The following GULP1 variants were observed in gnomAD, a reference collection of about 807,000 sequenced individuals.
The protein encoded by GULP1 is GULP PTB domain containing engulfment adaptor 1.
A neutral mutation model predicts 40.9 loss-of-function variants in GULP1; 19 were observed. The ratio of observed to expected loss-of-function variants is 0.46; its 90% CI spans 0.32 to 0.68. The LOEUF (loss-of-function observed/expected upper bound fraction) is 0.68, where lower values mean the gene tolerates loss of function less well. Among genes scored for constraint, GULP1 ranks in the 30% least tolerant of loss-of-function variants. GULP1 has a pLI of 0.03. For missense variants in GULP1, 312 were observed against 362.2 expected (o/e 0.86, Z 1.12); for synonymous variants, 119 against 117.6 (o/e 1.01, Z -0.08).
chr2:188,560,491 C>A (rs1695961497), intron 7 of GULP1, among the ~76,000 whole-genome samples: 1 of 152,162 alleles, frequency 6.6e-6, no homozygotes, highest in Non-Finnish European at 1.5e-5. Flanking sequence ...TCTTCTGAGC[C>A]CTTTAAAGTC....
intron 6 of GULP1, among the ~76,000 whole-genome samples, chr2:188,533,634 C>T (rs1403233648): frequency 2.0e-5 from 3 of 152,006 alleles, no homozygotes; most frequent in Non-Finnish European, 2.9e-5. Context: ...ACAAGTGGGA[C>T]CTAATTAAAT....
intron 1 of GULP1, among the ~76,000 whole-genome samples, chr2:188,350,639 C>T (rs1240387783): frequency 6.6e-6 from 1 of 151,814 alleles, no homozygotes; most frequent in Non-Finnish European, 1.5e-5. Flanking sequence ...TATAGTTCCT[C>T]CTTTTCAATG....
At chr2:188,407,298 T>G (rs2053252257) in intron 2 of GULP1, among the ~76,000 whole-genome samples, 1 of 152,130 alleles carries the variant, frequency 6.6e-6, no homozygotes, top group Admixed American at 6.5e-5. Context: ...ATTACTACCA[T>G]GAAAACAGGA....
chr2:188,491,838 TGTA>T (rs1354651621), intron 4 of GULP1, among the ~76,000 whole-genome samples: 1 of 152,152 alleles, frequency 6.6e-6, no homozygotes, highest in Non-Finnish European at 1.5e-5. Flanking sequence ...TTGTCTTTCT[TGTA>T]GTATTTTGAA....
chr2:188,434,697 AT>A (rs1332799514), intron 2 of GULP1, among the ~76,000 whole-genome samples: 2 of 149,920 alleles, frequency 1.3e-5, no homozygotes, highest in Non-Finnish European at 3.0e-5. Flanking sequence ...TACTTTCCTT[AT>A]TTTTAAATTT....
intron 1 of GULP1, among the ~76,000 whole-genome samples, chr2:188,322,932 C>A (rs1309786028): frequency 6.6e-6 from 1 of 152,090 alleles, no homozygotes; most frequent in African/African-American, 2.4e-5. Context: ...TGCCTTTTGT[C>A]AAGACCTCTT....
chr2:188,575,066 A>G (rs779649776), intron 9 of GULP1, among the ~76,000 whole-genome samples: 2 of 152,188 alleles, frequency 1.3e-5, no homozygotes, highest in Non-Finnish European at 2.9e-5. Context: ...TGCAAACTAA[A>G]TAATTTTAGG....
chr2:188,518,665 G>C (rs2065429021), intron 4 of GULP1, among the ~76,000 whole-genome samples: 1 of 152,252 alleles, frequency 6.6e-6, no homozygotes, highest in African/African-American at 2.4e-5. Context: ...TCTCTGAGTT[G>C]ATAAAGTGGA....
At chr2:188,480,973 G>A (rs2061404378) in intron 3 of GULP1, among the ~76,000 whole-genome samples, 1 of 151,820 alleles carries the variant, frequency 6.6e-6, no homozygotes, top group African/African-American at 2.4e-5. Context: ...AAAAGTAGGT[G>A]TTTCACCATT....
intron 1 of GULP1, among the ~76,000 whole-genome samples, chr2:188,294,931 G>A (rs557773383): frequency 2.2e-4 from 34 of 152,214 alleles, no homozygotes; most frequent in African/African-American, 8.2e-4. Flanking sequence ...GACATATCTG[G>A]ATCTAATTTA....
chr2:188,531,278 G>A (rs7579593), intron 6 of GULP1, among the ~76,000 whole-genome samples: 142,463 of 152,264 alleles, frequency 0.94, 67,054 homozygotes, highest in South Asian at 0.99. Context: ...GGCTTAATGC[G>A]GTAGGCCTCA....
At chr2:188,507,597 A>T (rs541768763) in intron 4 of GULP1, among the ~76,000 whole-genome samples, 1 of 151,936 alleles carries the variant, frequency 6.6e-6, no homozygotes, top group African/African-American at 2.4e-5. Flanking sequence ...GAATGAAAAC[A>T]ATCAAATTAA....
chr2:188,571,472 G>C (rs190529210), intron 9 of GULP1, among the ~76,000 whole-genome samples: 88 of 152,250 alleles, frequency 5.8e-4, no homozygotes, highest in Non-Finnish European at 4.4e-5. Context: ...CAGATGGTTT[G>C]TGCCAGTAGG....
rs2051821778 is a variant in GULP1, at chr2:188,399,611, T to C, written c.-45+15722T>C. 3.4e-5 allele frequency among the ~76,000 whole-genome samples: 5 copies of C among 147,028 alleles called. No individual in the cohort carries two copies. In the Admixed American group the frequency reaches 3.6e-4, roughly 11 times the overall value. ...GCTTATATCTGTAATCCCAGCACTT[T>C]TGGAGTCTGAGATGGGAGGATTGCT... On this transcript the variant is annotated intron_variant, in intron 2 of 11. Transcript: ENST00000409830.
chr2:188,319,408 T>C (rs1398078841), intron 1 of GULP1, among the ~76,000 whole-genome samples: 1 of 152,178 alleles, frequency 6.6e-6, no homozygotes, highest in Non-Finnish European at 1.5e-5. Context: ...TACATCTTGA[T>C]GTTAATACAT....
At chr2:188,435,636 C>T (rs1373400907) in intron 2 of GULP1, among the ~76,000 whole-genome samples, 1 of 151,998 alleles carries the variant, frequency 6.6e-6, no homozygotes, top group East Asian at 1.9e-4. Flanking sequence ...TAGGGTATCA[C>T]CAGGCTGAAA....
intron 7 of GULP1, chr2:188,541,842 G>A: frequency 6.2e-6 from 1 of 161,376 alleles, no homozygotes; most frequent in Non-Finnish European, 1.3e-5. Context: ...AGGCGCGGTG[G>A]CTCACGCCTG....
chr2:188,586,626 T>C (rs1358520954), intron 10 of GULP1, among the ~76,000 whole-genome samples: 2 of 152,194 alleles, frequency 1.3e-5, no homozygotes, highest in Non-Finnish European at 2.9e-5. Flanking sequence ...AGTGTAACTA[T>C]TGGAAATGCT....
At chr2:188,493,059 T>C (rs1054511372) in intron 4 of GULP1, among the ~76,000 whole-genome samples, 3 of 152,120 alleles carry the variant, frequency 2.0e-5, no homozygotes, top group Non-Finnish European at 1.5e-5. Context: ...AAATTACATA[T>C]TGAAATGCAT....
Sources: gnomAD v4.1 joint callset for allele counts (sites outside exome capture counted in the v4.1 genomes callset) on GRCh38, gnomAD v4.1.1 for gene constraint, MANE v1.5 for transcripts, NCBI Gene and HGNC (gene_info 2026-07-23, HGNC 2026-07-21) for gene names.